The following BRPF3 variants were observed in gnomAD, a reference collection of about 807,000 sequenced individuals.
The protein encoded by BRPF3 is bromodomain and PHD finger-containing protein 3.
In BRPF3, 18 loss-of-function variants were observed where a neutral mutation model predicts 102.0. The observed-to-expected ratio is 0.18, with a 90% CI of 0.12 to 0.26. The LOEUF (loss-of-function observed/expected upper bound fraction) is 0.26. Among genes scored for constraint, BRPF3 ranks in the 10% least tolerant of loss-of-function variants. The probability of loss-of-function intolerance (pLI) is 1.00; values close to 1 mark genes in which losing one functional copy is unlikely to be tolerated. For missense variants in BRPF3, 1,147 were observed against 1,567.8 expected, an observed-to-expected ratio of 0.73 and a Z score of 4.53; for synonymous variants, 570 against 614.2, an observed-to-expected ratio of 0.93 and a Z score of 1.06.
intron 1 of BRPF3, among the ~76,000 whole-genome samples, chr6:36,199,102 G>A (rs539400743): frequency 1.3e-4 from 20 of 152,278 alleles, no homozygotes; most frequent in Non-Finnish European, 2.5e-4. Flanking sequence ...CTGGATCAGG[G>A]GTTCCCAACC....
Position 36,212,813 on chromosome 6 carries a change from C to T in BRPF3, c.2483-1067C>T, listed in dbSNP as rs1347001987. On this transcript the variant is annotated intron_variant, in intron 7 of 12. Coordinates refer to ENST00000357641, the MANE Select transcript of BRPF3 (RefSeq NM_015695.3). Reference sequence around the variant, plus strand: ...CTAAAAATACAAAAAATTAGCCGGGCGCGGTGGCGGGCGCCTGTAGTCCCA... The same window carrying T: ...CTAAAAATACAAAAAATTAGCCGGGTGCGGTGGCGGGCGCCTGTAGTCCCA... Among the ~76,000 whole-genome samples, 7 of 151,976 alleles carry T rather than the reference C, an allele frequency of 4.6e-5. No individual in the cohort carries two copies. The South Asian group carries it at 6.2e-4, about 14-fold the overall frequency.
chr6:36,211,030 C>T (rs141030766), intron 6 of BRPF3, among the ~76,000 whole-genome samples: 4 of 152,348 alleles, frequency 2.6e-5, no homozygotes, highest in East Asian at 1.9e-4. Context: ...AGCCCATAAT[C>T]GTGACTGTGA....
intron 9 of BRPF3, among the ~76,000 whole-genome samples, chr6:36,220,799 C>A (rs1034989411): frequency 2.6e-5 from 4 of 152,136 alleles, no homozygotes; most frequent in African/African-American, 9.7e-5. Context: ...ACCAACCTAA[C>A]TACAGGTTAC....
chr6:36,202,222 G>T (rs1033079932), intron 2 of BRPF3, among the ~76,000 whole-genome samples: 1 of 152,136 alleles, frequency 6.6e-6, no homozygotes, highest in Non-Finnish European at 1.5e-5. Flanking sequence ...CTTGGGGAGG[G>T]TAGAACTAAT....
chr6:36,203,664 C>A (rs1767798514), intron 2 of BRPF3, among the ~76,000 whole-genome samples: 1 of 152,304 alleles, frequency 6.6e-6, no homozygotes, highest in South Asian at 2.1e-4. Context: ...AAGGTTTCAA[C>A]TTGTTTAGCT....
In BRPF3 at chr6:36,230,785, C is replaced by T. The variant is rs79177295; in HGVS notation, c.*176C>T. 2 of 779,746 alleles carry T rather than the reference C, an allele frequency of 2.6e-6. No individual in the cohort carries two copies. Among genetic ancestry groups the T allele is most frequent in the Non-Finnish European group, 2.0e-6 (1 of 499,396 alleles). The allele number at this position is 779,746 out of a possible 1,614,324, so 48.3% of individuals were successfully genotyped here. On this transcript the variant is annotated 3_prime_UTR_variant, in exon 13 of 13. Transcript: ENST00000357641. This position sits in a 1 kb window ranked among gnomAD's most constrained non-coding sequence, Gnocchi z 5.4. ...CAGTTTTGACCAATCGCATGGTTCT[C>T]CTGGCAGGCCTGCTGTGTGCCAAAA...
intron 2 of BRPF3, among the ~76,000 whole-genome samples, chr6:36,204,189 G>A (rs1355012338): frequency 2.0e-5 from 3 of 152,180 alleles, no homozygotes; most frequent in African/African-American, 7.2e-5. Context: ...CTAAGGGGTT[G>A]CATTGGGCTC....
Position 36,211,329 on chromosome 6 carries a change from A to G in BRPF3, c.2251A>G (p.Lys751Glu). 1.9e-6 allele frequency: 3 copies of G among 1,614,256 alleles called. No individual in the cohort carries two copies. Among genetic ancestry groups the G allele is most frequent in the Non-Finnish European group, 2.5e-6 (3 of 1,180,048 alleles). ...GGTGCAGCTGAAGGAGCTGCTGGAG[A>G]AACTGGACCTGGTGAGCGCCATGCG... is the stretch of plus-strand genomic sequence containing the variant. Reference protein sequence around the residue: ...PEVQLKELLEKLDLVSAMRSS... With the variant: ...PEVQLKELLEELDLVSAMRSS... The change falls in exon 7 of 13, where the codon AAA (lysine) becomes GAA (glutamate). Residue 751 changes from lysine to glutamate, a missense_variant. Lys to Glu is a moderately conservative substitution (Grantham distance 56, BLOSUM62 1). Coordinates refer to ENST00000357641, the MANE Select transcript of BRPF3 (RefSeq NM_015695.3).
At chr6:36,218,118 C>A in intron 9 of BRPF3, 108 bp downstream of exon 9, 1 of 922,020 alleles carries the variant, frequency 1.1e-6, no homozygotes, top group Non-Finnish European at 1.6e-6. Context: ...CTCTCTTCCC[C>A]CACTCCTGCT....
intron 10 of BRPF3, among the ~76,000 whole-genome samples, chr6:36,224,249 T>C (rs73415510): frequency 0.033 from 5,040 of 152,274 alleles, 138 homozygotes; most frequent in African/African-American, 0.076. Flanking sequence ...TAATATTTCC[T>C]TAGAAATAAC....
intron 5 of BRPF3, 83 bp downstream of exon 5, chr6:36,209,998 A>G (rs1284419937): frequency 3.8e-6 from 6 of 1,562,256 alleles, no homozygotes; most frequent in African/African-American, 2.7e-5. Context: ...GTTGGGCCAC[A>G]GGGTGTACAA....
rs762240891 is a variant in BRPF3 at position 36,201,785 on chromosome 6, A to G, written c.1448+15A>G. On this transcript the variant is annotated intron_variant, in intron 2 of 12. Coordinates refer to ENST00000357641, the MANE Select transcript of BRPF3 (RefSeq NM_015695.3). This position sits in a 1 kb window ranked among gnomAD's most constrained non-coding sequence, Gnocchi z 5.1. ...CCCTCTTACAGGTAAGCATGCCCAG[A>G]AGGGCTCCTTAGGGACTCATGGTTT... 3.2e-6 allele frequency: 5 copies of G among 1,577,448 alleles called. No individual in the cohort carries two copies. The highest frequency in any genetic ancestry group is 4.5e-5 in the East Asian group (2 of 44,656).
At chr6:36,225,628 AG>A (rs1323487583) in intron 11 of BRPF3, among the ~76,000 whole-genome samples, 1 of 152,188 alleles carries the variant, frequency 6.6e-6, no homozygotes, top group African/African-American at 2.4e-5. Context: ...TAAAAGTAAC[AG>A]GGCCCATTTT....
intron 4 of BRPF3, 115 bp downstream of exon 4, chr6:36,207,559 C>T (rs1767949669): frequency 7.3e-7 from 1 of 1,366,212 alleles, no homozygotes; most frequent in Non-Finnish European, 9.8e-7. Flanking sequence ...TTTCTCCCCT[C>T]CCTACCCAGG....
chr6:36,201,485 C>T lies in BRPF3; in HGVS notation c.1163C>T (p.Pro388Leu). 1 of 1,614,188 alleles carries T rather than the reference C, an allele frequency of 6.2e-7. No individual in the cohort carries two copies. The highest frequency in any genetic ancestry group is 8.5e-7 in the Non-Finnish European group (1 of 1,180,044). The change falls in exon 2 of 13, where the codon CCA (proline) becomes CTA (leucine). Residue 388 changes from proline to leucine, a missense_variant. By Grantham distance (98) the Pro-to-Leu change is moderately conservative (BLOSUM62 -3). Transcript: ENST00000357641. This position sits in a 1 kb window ranked among gnomAD's most constrained non-coding sequence, Gnocchi z 5.1. ...ACTGCCTACTGTGAGGCCCACTCGCCACCAGGTGCGGCCACTGCTAGGAGG... is the reference window on the plus strand; with the variant it reads ...ACTGCCTACTGTGAGGCCCACTCGCTACCAGGTGCGGCCACTGCTAGGAGG... ...RKTAYCEAHS[P>L]PGAATARRKG...
Position 36,210,317 on chromosome 6 carries a change from G to A in BRPF3, c.1968G>A (p.Glu656=), listed in dbSNP as rs1450730373. The change falls in exon 6 of 13, where the codon GAG becomes GAA. Residue 656 remains glutamate (E), a synonymous_variant. Coordinates refer to ENST00000357641, the MANE Select transcript of BRPF3 (RefSeq NM_015695.3). The surrounding 1 kb of genome is among the most constrained non-coding windows in gnomAD (Gnocchi z 4.7). The part of the protein sequence containing the change: ...HLYRTLEEFE[E]DFNLIVTNCM... The stretch of plus-strand genomic sequence containing the variant: ...ACCGCACCTTGGAGGAGTTTGAGGA[G>A]GACTTTAACCTTATAGTTACCAACT... The A allele has an allele frequency of 2.5e-6, 4 of 1,614,086 alleles. No homozygotes were observed. Among genetic ancestry groups the A allele is most frequent in the South Asian group, 1.1e-5 (1 of 91,084 alleles).
intron 7 of BRPF3, among the ~76,000 whole-genome samples, chr6:36,212,750 G>T (rs928679656): frequency 6.6e-6 from 1 of 151,490 alleles, no homozygotes; most frequent in Non-Finnish European, 1.5e-5. Context: ...TCAGGAGATC[G>T]AGACCATCCT....
At chr6:36,202,110 G>A (rs1767726862) in intron 2 of BRPF3, among the ~76,000 whole-genome samples, 1 of 152,170 alleles carries the variant, frequency 6.6e-6, no homozygotes, top group Non-Finnish European at 1.5e-5. Context: ...ATTTCTAGAT[G>A]TTTAGTATCC....
intron 2 of BRPF3, among the ~76,000 whole-genome samples, chr6:36,203,525 C>A (rs565586874): frequency 6.6e-6 from 1 of 152,160 alleles, no homozygotes. Context: ...GGACATTGGT[C>A]GGGATCTGTC....
Sources: allele counts gnomAD v4.1 joint callset (sites outside exome capture counted in the v4.1 genomes callset), GRCh38; gene constraint gnomAD v4.1.1; non-coding constraint Gnocchi (gnomAD v3.1); transcripts MANE v1.5; gene names NCBI Gene and HGNC (gene_info 2026-07-23, HGNC 2026-07-21).